SLIT3: variants seen among roughly 807,000 people sequenced by gnomAD.
SLIT3 encodes slit homolog 3 protein.
In SLIT3, 68 loss-of-function variants were observed where a neutral mutation model predicts 184.0. That is an observed-to-expected ratio of 0.37 (90% CI 0.30 to 0.45). The LOEUF is 0.45. Among genes scored for constraint, SLIT3 ranks in the 20% least tolerant of loss-of-function variants. SLIT3 has a pLI of 1.00. For missense variants in SLIT3, 1,707 were observed against 2,026.0 expected (o/e 0.84, Z 3.02); for synonymous variants, 831 against 828.6 (o/e 1.00, Z -0.05).
intron 20 of SLIT3, among the ~76,000 whole-genome samples, chr5:168,727,326 A>T (rs942127692): frequency 6.6e-6 from 1 of 152,136 alleles, no homozygotes; most frequent in Non-Finnish European, 1.5e-5. Context: ...TCTCAAAAAA[A>T]AAGAAAAAGA....
At chr5:168,737,631 C>T (rs972846245) in intron 20 of SLIT3, among the ~76,000 whole-genome samples, 4 of 152,186 alleles carry the variant, frequency 2.6e-5, no homozygotes, top group African/African-American at 7.2e-5. Context: ...AATCCATGCT[C>T]ATTGTCCTTA....
At chr5:168,826,629 A>G (rs374460066) in intron 6 of SLIT3, among the ~76,000 whole-genome samples, 1 of 152,236 alleles carries the variant, frequency 6.6e-6, no homozygotes, top group Non-Finnish European at 1.5e-5. Context: ...CCTTTGTAAC[A>G]TGGAGATAAT....
chr5:168,676,335 A>G (rs1405775246), intron 32 of SLIT3, among the ~76,000 whole-genome samples: 1 of 152,226 alleles, frequency 6.6e-6, no homozygotes, highest in Admixed American at 6.5e-5. Context: ...AGCCTTTCCT[A>G]TAAAGTAAAT....
chr5:169,250,319 G>A (rs369100448), intron 2 of SLIT3, among the ~76,000 whole-genome samples: 15 of 152,108 alleles, frequency 9.9e-5, no homozygotes, highest in African/African-American at 2.9e-4. Context: ...TAAAATTAAC[G>A]CTTCACAAGT....
At chr5:169,243,593 G>A (rs1350277922) in intron 3 of SLIT3, among the ~76,000 whole-genome samples, 1 of 152,204 alleles carries the variant, frequency 6.6e-6, no homozygotes, top group Non-Finnish European at 1.5e-5. Context: ...TAACTGACGT[G>A]CAATGGGGAC....
chr5:168,898,090 C>T (rs979749515), intron 4 of SLIT3, among the ~76,000 whole-genome samples: 2 of 152,176 alleles, frequency 1.3e-5, no homozygotes, highest in African/African-American at 4.8e-5. Flanking sequence ...TTTAAAAGCT[C>T]CATAAAATTT....
At chr5:168,757,270 G>A (rs543796707) in intron 16 of SLIT3, among the ~76,000 whole-genome samples, 1 of 152,354 alleles carries the variant, frequency 6.6e-6, no homozygotes, top group African/African-American at 2.4e-5. Context: ...TGAGGGTTAA[G>A]TGCATTAATA....
intron 4 of SLIT3, among the ~76,000 whole-genome samples, chr5:169,114,187 A>G (rs912435250): frequency 1.3e-5 from 2 of 152,032 alleles, no homozygotes; most frequent in African/African-American, 4.8e-5. Context: ...AAACCTCCCT[A>G]CCTAATCCTT....
chr5:169,289,581 G>A (rs941772895), intron 1 of SLIT3, among the ~76,000 whole-genome samples: 1 of 152,210 alleles, frequency 6.6e-6, no homozygotes, highest in African/African-American at 2.4e-5. Flanking sequence ...TGTTTCCAGG[G>A]CAGAACTCTG....
intron 1 of SLIT3, among the ~76,000 whole-genome samples, chr5:169,277,610 T>C (rs1338321418): frequency 6.6e-6 from 1 of 152,238 alleles, no homozygotes; most frequent in African/African-American, 2.4e-5. Flanking sequence ...GGTTGAATAA[T>C]ATTCCATTGT....
intron 20 of SLIT3, among the ~76,000 whole-genome samples, chr5:168,731,548 A>C (rs746104779): frequency 8.6e-5 from 13 of 152,004 alleles, no homozygotes; most frequent in Admixed American, 6.6e-5. Context: ...AGACATAAAA[A>C]TTCTCAAAAA....
chr5:168,925,391 T>C (rs561279638), intron 4 of SLIT3, among the ~76,000 whole-genome samples: 3 of 152,260 alleles, frequency 2.0e-5, no homozygotes, highest in African/African-American at 7.2e-5. Context: ...ATGTGGAGAT[T>C]CTAAATCTAT....
chr5:168,804,374 C>A (rs1756885676), intron 9 of SLIT3, among the ~76,000 whole-genome samples: 1 of 128,530 alleles, frequency 7.8e-6, no homozygotes, highest in African/African-American at 3.0e-5. Context: ...GGAAAGAGAG[C>A]AAGGATAGGA....
At chr5:168,769,591 C>T (rs983410459) in intron 14 of SLIT3, among the ~76,000 whole-genome samples, 4 of 152,142 alleles carry the variant, frequency 2.6e-5, no homozygotes, top group African/African-American at 9.7e-5. Context: ...ATCTGGACTC[C>T]ACTCTGCTTT....
chr5:168,885,552 C>CA (rs1760164306), intron 4 of SLIT3, among the ~76,000 whole-genome samples: 1 of 152,232 alleles, frequency 6.6e-6, no homozygotes, highest in Admixed American at 6.5e-5. Context: ...CTGGCAGTCA[C>CA]AATGAGTCCA....
chr5:169,229,943 C>A (rs975504036), intron 3 of SLIT3, among the ~76,000 whole-genome samples: 1 of 152,100 alleles, frequency 6.6e-6, no homozygotes, highest in Non-Finnish European at 1.5e-5. Flanking sequence ...TCTCAATGAA[C>A]CTGTGCCCGC....
At chr5:168,864,583 T>C (rs1759231199) in intron 5 of SLIT3, among the ~76,000 whole-genome samples, 1 of 152,222 alleles carries the variant, frequency 6.6e-6, no homozygotes, top group Non-Finnish European at 1.5e-5. Context: ...GAGGGGGTTA[T>C]ACCAATTGGC....
At chr5:169,008,052 C>T (rs1307361416) in intron 4 of SLIT3, among the ~76,000 whole-genome samples, 1 of 152,148 alleles carries the variant, frequency 6.6e-6, no homozygotes, top group Non-Finnish European at 1.5e-5. Context: ...ATTGTTCTGC[C>T]ATGATGTAAG....
chr5:169,271,164 A>G (rs1766595162), intron 1 of SLIT3, among the ~76,000 whole-genome samples: 1 of 152,190 alleles, frequency 6.6e-6, no homozygotes, highest in South Asian at 2.1e-4. Flanking sequence ...TTTCGAGGAA[A>G]GGCAGGAGGG....
Sources: allele counts gnomAD v4.1 joint callset (sites outside exome capture counted in the v4.1 genomes callset), GRCh38; gene constraint gnomAD v4.1.1; transcripts MANE v1.5; gene names NCBI Gene and HGNC (gene_info 2026-07-23, HGNC 2026-07-21).